Variants in CATSPERT observed in about 807,000 individuals in gnomAD.
CATSPERT encodes catsper channel auxiliary subunit tau.
the CATSPERT span, chr2:201,604,579 T>G: frequency 7.4e-7 from 1 of 1,356,444 alleles, no homozygotes; most frequent in Non-Finnish European, 1.0e-6. Context: ...ATAAATAACT[T>G]ATACAGGTTT....
the CATSPERT span, among the ~76,000 whole-genome samples, chr2:201,570,152 C>T: frequency 6.6e-6 from 1 of 152,022 alleles, no homozygotes; most frequent in African/African-American, 2.4e-5. Context: ...GCCTAGGCAA[C>T]AGAACAAGAC....
the CATSPERT span, among the ~76,000 whole-genome samples, chr2:201,559,101 GGGT>G: frequency 1.3e-5 from 2 of 152,186 alleles, no homozygotes; most frequent in Non-Finnish European, 2.9e-5. Context: ...TGGGCCAACA[GGGT>G]GGCTATGCAC....
the CATSPERT span, among the ~76,000 whole-genome samples, chr2:201,519,367 A>G: frequency 6.6e-6 from 1 of 151,704 alleles, no homozygotes; most frequent in African/African-American, 2.4e-5. Context: ...CATCTAAACA[A>G]ATAAGTCTTT....
chr2:201,513,278 G>C, the CATSPERT span, among the ~76,000 whole-genome samples: 16 of 152,030 alleles, frequency 1.1e-4, no homozygotes, highest in Non-Finnish European at 2.4e-4. Context: ...GAAAAGACAT[G>C]AATAGACACT....
At chr2:201,564,032 T>G in the CATSPERT span, among the ~76,000 whole-genome samples, 2 of 152,148 alleles carry the variant, frequency 1.3e-5, no homozygotes, top group Non-Finnish European at 2.9e-5. Context: ...GTCCAGGGCT[T>G]GTTGGGATGA....
the CATSPERT span, among the ~76,000 whole-genome samples, chr2:201,618,615 G>A: frequency 6.6e-6 from 1 of 151,276 alleles, no homozygotes; most frequent in African/African-American, 2.4e-5. Flanking sequence ...TGTAAATGAC[G>A]AGTTAATGGG....
At chr2:201,581,568 A>G in the CATSPERT span, among the ~76,000 whole-genome samples, 1 of 75,758 alleles carries the variant, frequency 1.3e-5, no homozygotes, top group African/African-American at 5.3e-5. Context: ...ATATATATAT[A>G]TATATATATA....
chr2:201,513,076 T>TATA, the CATSPERT span, among the ~76,000 whole-genome samples: 1 of 147,080 alleles, frequency 6.8e-6, no homozygotes, highest in Admixed American at 6.7e-5. Context: ...AAACTTAAAG[T>TATA]ATAATAATAA....
chr2:201,494,320 A>G, the CATSPERT span: 2 of 1,537,136 alleles, frequency 1.3e-6, no homozygotes, highest in African/African-American at 2.7e-5. Flanking sequence ...TGACTTGAGT[A>G]TCATTGATTG....
chr2:201,493,875 T>C, the CATSPERT span: 1 of 1,537,016 alleles, frequency 6.5e-7, no homozygotes, highest in South Asian at 1.2e-5. Context: ...CGAAGTGTTT[T>C]TTAGAGACAT....
chr2:201,490,725 T>G, the CATSPERT span, among the ~76,000 whole-genome samples: 1 of 152,158 alleles, frequency 6.6e-6, no homozygotes, highest in Non-Finnish European at 1.5e-5. Context: ...AGAGGAATTT[T>G]TTTGTTTGTT....
the CATSPERT span, among the ~76,000 whole-genome samples, chr2:201,516,446 C>T: frequency 6.6e-6 from 1 of 152,126 alleles, no homozygotes; most frequent in Non-Finnish European, 1.5e-5. Flanking sequence ...GGAAGTGCCA[C>T]ACTTTTAAAC....
At chr2:201,609,972 G>T in the CATSPERT span, among the ~76,000 whole-genome samples, 1 of 152,064 alleles carries the variant, frequency 6.6e-6, no homozygotes, top group Admixed American at 6.6e-5. Context: ...AATGAAAAAG[G>T]AAATATAACT....
chr2:201,615,861 A>T, the CATSPERT span, among the ~76,000 whole-genome samples: 1 of 152,218 alleles, frequency 6.6e-6, no homozygotes, highest in African/African-American at 2.4e-5. Context: ...ACAGTAAAAA[A>T]TGATAAAGGG....
At chr2:201,505,531 T>C in the CATSPERT span, among the ~76,000 whole-genome samples, 2 of 152,022 alleles carry the variant, frequency 1.3e-5, no homozygotes, top group Admixed American at 6.5e-5. Flanking sequence ...GCAAACATAA[T>C]AATGGAAAAA....
chr2:201,575,441 A>C, the CATSPERT span: 6 of 614,204 alleles, frequency 9.8e-6, no homozygotes, highest in African/African-American at 9.6e-5. Context: ...TCCATGGCCC[A>C]TTAGGAACTG....
At chr2:201,550,140 C>T in the CATSPERT span, 1 of 152,146 alleles carries the variant, frequency 6.6e-6, no homozygotes, top group Non-Finnish European at 1.5e-5. Context: ...GGCCTAAAAA[C>T]AGATTAAATT....
At chr2:201,495,745 C>A in the CATSPERT span, 12 of 188,710 alleles carry the variant, frequency 6.4e-5, no homozygotes, top group East Asian at 3.8e-4. Context: ...AGTTGAGATT[C>A]ATTAGGTCAG....
the CATSPERT span, chr2:201,551,046 T>G: frequency 6.6e-6 from 1 of 152,270 alleles, no homozygotes; most frequent in Non-Finnish European, 1.5e-5. Flanking sequence ...ATTAGCACAG[T>G]TGATTCTTGA....
Sources: allele counts gnomAD v4.1 joint callset (sites outside exome capture counted in the v4.1 genomes callset), GRCh38; gene constraint gnomAD v4.1.1; transcripts MANE v1.5; gene names NCBI Gene and HGNC (gene_info 2026-07-23, HGNC 2026-07-21).